PTPRM: variants seen among roughly 807,000 people sequenced by gnomAD.
PTPRM encodes protein tyrosine phosphatase receptor type M, also known as receptor-type tyrosine-protein phosphatase mu.
PTPRM carries 47 observed loss-of-function variants against 186.7 expected under a neutral mutation model. The observed-to-expected ratio is 0.25, with a 90% CI of 0.20 to 0.32. PTPRM has a LOEUF of 0.32. Among genes scored for constraint, PTPRM ranks in the 10% least tolerant of loss-of-function variants. PTPRM has a pLI of 1.00. For synonymous variants in PTPRM, 668 were observed against 674.9 expected, an observed-to-expected ratio of 0.99 and a Z score of 0.16; for missense variants, 1,494 against 1,865.0, an observed-to-expected ratio of 0.80 and a Z score of 3.66.
intron 32 of PTPRM, 136 bp from the exon 33 acceptor site, chr18:8,405,973 G>T: frequency 1.2e-6 from 1 of 802,990 alleles, no homozygotes; most frequent in South Asian, 1.4e-5. Flanking sequence ...TCAGAACCGT[G>T]ACTTTCTGAT....
At chr18:8,237,742 G>A (rs7244780) in intron 14 of PTPRM, among the ~76,000 whole-genome samples, 37,718 of 151,782 alleles carry the variant, frequency 0.25, 5,455 homozygotes, top group African/African-American at 0.4. Flanking sequence ...CACCGCACCT[G>A]GCCCAGATTC....
chr18:7,888,057 C>T (rs1005924543), intron 2 of PTPRM, 49 bp from the exon 3 acceptor site: 4 of 1,612,484 alleles, frequency 2.5e-6, no homozygotes, highest in Non-Finnish European at 3.4e-6. Context: ...CAGAGATAAC[C>T]AGAAAGTAGT....
intron 1 of PTPRM, among the ~76,000 whole-genome samples, chr18:7,582,662 A>G (rs1343875007): frequency 6.6e-6 from 1 of 152,208 alleles, no homozygotes; most frequent in Admixed American, 6.5e-5. Context: ...CAGTTGGGAA[A>G]TCATGGGCAG....
chr18:7,649,256 A>G (rs1277771849), intron 1 of PTPRM, among the ~76,000 whole-genome samples: 2 of 152,184 alleles, frequency 1.3e-5, no homozygotes, highest in East Asian at 3.9e-4. Flanking sequence ...TTGACAATGC[A>G]CCTGGTCACA....
chr18:8,087,055 A>G (rs993781480), intron 10 of PTPRM, among the ~76,000 whole-genome samples: 1 of 152,116 alleles, frequency 6.6e-6, no homozygotes, highest in South Asian at 2.1e-4. Context: ...GAATCAAAAA[A>G]TCTAGGTTCT....
At chr18:7,681,196 G>GAAT (rs56957619) in intron 1 of PTPRM, among the ~76,000 whole-genome samples, 12,797 of 151,406 alleles carry the variant, frequency 0.085, 526 homozygotes, top group South Asian at 0.15. Context: ...GGAACTGCCT[G>GAAT]AATAATAATA....
intron 4 of PTPRM, among the ~76,000 whole-genome samples, chr18:7,919,258 G>T (rs1036708206): frequency 6.6e-6 from 1 of 151,938 alleles, no homozygotes; most frequent in South Asian, 2.1e-4. Context: ...TTTTTGCTCA[G>T]GCTTGCTTTG....
chr18:7,992,199 G>A (rs888789390), intron 7 of PTPRM, among the ~76,000 whole-genome samples: 2 of 151,974 alleles, frequency 1.3e-5, no homozygotes, highest in Admixed American at 6.6e-5. Context: ...ATCTTTTGGG[G>A]TTCTGGGTAT....
chr18:7,664,251 G>A (rs925209699), intron 1 of PTPRM, among the ~76,000 whole-genome samples: 5 of 152,230 alleles, frequency 3.3e-5, no homozygotes, highest in African/African-American at 7.2e-5. Flanking sequence ...GGGCCAGGGC[G>A]CCAAGAGAGT....
chr18:7,768,514 G>C (rs189608390), intron 1 of PTPRM, among the ~76,000 whole-genome samples: 1 of 152,066 alleles, frequency 6.6e-6, no homozygotes, highest in Non-Finnish European at 1.5e-5. Context: ...AGAATAAAAA[G>C]CATGTGGGTC....
chr18:7,771,706 CA>C (rs758106055), intron 1 of PTPRM, among the ~76,000 whole-genome samples: 8 of 152,206 alleles, frequency 5.3e-5, no homozygotes, highest in Non-Finnish European at 7.3e-5. Flanking sequence ...CTGGGACAGA[CA>C]GTCTGAGGCT....
chr18:7,930,153 C>T lies in PTPRM; in HGVS notation c.663+3470C>T, dbSNP rs145158998. Among the ~76,000 whole-genome samples the T allele has an allele frequency of 2.6e-3, 393 of 152,178 alleles. 1 individual carries two copies. Among genetic ancestry groups the T allele is most frequent in the African/African-American group, 9.0e-3 (375 of 41,486 alleles). ...GCATGATCTCGGCTCACTGCAGCCT[C>T]GACCACCTGGGCTTAGATGATCCTC... On this transcript the variant is annotated intron_variant, in intron 5 of 32. Transcript: ENST00000580170.
chr18:7,828,939 TTC>T (rs1022571071), intron 2 of PTPRM, among the ~76,000 whole-genome samples: 2 of 152,226 alleles, frequency 1.3e-5, no homozygotes, highest in Admixed American at 6.5e-5. Flanking sequence ...ACTCCTTTTC[TTC>T]TCTCTCTCTT....
intron 1 of PTPRM, among the ~76,000 whole-genome samples, chr18:7,596,000 G>C (rs887734424): frequency 2.0e-5 from 3 of 152,190 alleles, no homozygotes; most frequent in Non-Finnish European, 4.4e-5. Context: ...CTTGGAAAAA[G>C]ATCGAAAAAG....
chr18:8,138,540 G>A (rs2092691278), intron 13 of PTPRM, among the ~76,000 whole-genome samples: 1 of 152,032 alleles, frequency 6.6e-6, no homozygotes, highest in Non-Finnish European at 1.5e-5. Context: ...CTGGTCCTCA[G>A]TCTCCCCTCA....
chr18:8,326,005 A>G (rs73382216), intron 22 of PTPRM, among the ~76,000 whole-genome samples: 3,351 of 152,232 alleles, frequency 0.022, 135 homozygotes, highest in African/African-American at 0.075. Context: ...GTTTTTTGCC[A>G]AATTTTTAAT....
At chr18:7,846,237 C>T (rs1042239745) in intron 2 of PTPRM, among the ~76,000 whole-genome samples, 1 of 152,094 alleles carries the variant, frequency 6.6e-6, no homozygotes, top group African/African-American at 2.4e-5. Context: ...TGGAAGAAGG[C>T]AAGACAAATT....
intron 3 of PTPRM, among the ~76,000 whole-genome samples, chr18:7,890,848 A>G (rs2049035491): frequency 6.6e-6 from 1 of 152,246 alleles, no homozygotes; most frequent in Non-Finnish European, 1.5e-5. Flanking sequence ...AATGTTATGG[A>G]AGAAAATTTA....
chr18:8,353,335 G>A (rs2095546062), intron 23 of PTPRM, among the ~76,000 whole-genome samples: 1 of 152,184 alleles, frequency 6.6e-6, no homozygotes, highest in South Asian at 2.1e-4. Context: ...AGGCATTGAG[G>A]TAGTGAATCG....
Sources: allele counts gnomAD v4.1 joint callset (sites outside exome capture counted in the v4.1 genomes callset), GRCh38; gene constraint gnomAD v4.1.1; transcripts MANE v1.5; gene names NCBI Gene and HGNC (gene_info 2026-07-23, HGNC 2026-07-21).